The following ERG variants were observed in gnomAD, a reference collection of about 807,000 sequenced individuals.
The protein encoded by ERG is ETS transcription factor ERG, also known as transcriptional regulator ERG.
ERG carries 9 observed loss-of-function variants against 55.3 expected under a neutral mutation model. The ratio of observed to expected loss-of-function variants is 0.16; its 90% CI spans 0.10 to 0.28. The LOEUF is 0.28. Among genes scored for constraint, ERG ranks in the 10% least tolerant of loss-of-function variants. ERG has a pLI of 1.00. For synonymous variants in ERG, 223 were observed against 237.3 expected, an observed-to-expected ratio of 0.94 and a Z score of 0.55; for missense variants, 434 against 631.6, an observed-to-expected ratio of 0.69 and a Z score of 3.35.
intron 1 of ERG, among the ~76,000 whole-genome samples, chr21:38,618,424 C>T (rs1396427975): frequency 6.6e-6 from 1 of 152,154 alleles, no homozygotes; most frequent in African/African-American, 2.4e-5. Context: ...TAACGTGGAG[C>T]AGATTGACTC....
At chr21:38,396,942 T>A (rs1209596991) in intron 6 of ERG, among the ~76,000 whole-genome samples, 1 of 151,998 alleles carries the variant, frequency 6.6e-6, no homozygotes, top group Non-Finnish European at 1.5e-5. Context: ...TAAAAAATCA[T>A]AAAACCACAG....
chr21:38,424,993 T>A (rs1395834548), intron 2 of ERG, among the ~76,000 whole-genome samples: 1 of 152,206 alleles, frequency 6.6e-6, no homozygotes, highest in Admixed American at 6.5e-5. Context: ...CAAACCTACC[T>A]TTCTGGAAAA....
intron 1 of ERG, among the ~76,000 whole-genome samples, chr21:38,636,126 T>C (rs2060386835): frequency 6.6e-6 from 1 of 152,208 alleles, no homozygotes; most frequent in Non-Finnish European, 1.5e-5. Flanking sequence ...CTTTTCCCCC[T>C]ATTGATCAGC....
At chr21:38,571,230 TA>T (rs1232940580) in intron 2 of ERG, among the ~76,000 whole-genome samples, 1 of 152,038 alleles carries the variant, frequency 6.6e-6, no homozygotes, top group Non-Finnish European at 1.5e-5. Flanking sequence ...ATTTCTGTAA[TA>T]AAAAAAGTAC....
chr21:38,652,793 A>G (rs944644229), intron 1 of ERG, among the ~76,000 whole-genome samples: 1 of 152,208 alleles, frequency 6.6e-6, no homozygotes, highest in African/African-American at 2.4e-5. Flanking sequence ...CTCCATTGCC[A>G]TACAGTCTAG....
intron 1 of ERG, among the ~76,000 whole-genome samples, chr21:38,450,531 A>G (rs1442762710): frequency 6.6e-6 from 1 of 152,198 alleles, no homozygotes; most frequent in Non-Finnish European, 1.5e-5. Context: ...TCCCATTACA[A>G]TCCAATACAA....
chr21:38,509,696 C>T lies in ERG; in HGVS notation c.-41+65966G>A, dbSNP rs987810676. On this transcript the variant is annotated intron_variant, in intron 2 of 8. Coordinates refer to the ERG transcript ENST00000398897. ...CTCTGGAAACATCTCAGCCCATCAA[C>T]CTCAGATTACTTTCCCAAGGAGATG... Among the ~76,000 whole-genome samples the T allele has an allele frequency of 8.1e-4, 123 of 152,102 alleles. 2 individuals are homozygous for T. The highest frequency in any genetic ancestry group is 3.2e-4 in the Non-Finnish European group (22 of 68,030).
At chr21:38,659,352 A>T (rs1194454423) in intron 1 of ERG, among the ~76,000 whole-genome samples, 2 of 152,246 alleles carry the variant, frequency 1.3e-5, no homozygotes, top group South Asian at 2.1e-4. Context: ...ATTAATTTAC[A>T]TGGTTGGGTT....
chr21:38,488,418 A>G (rs2059306521), intron 1 of ERG, among the ~76,000 whole-genome samples: 1 of 151,900 alleles, frequency 6.6e-6, no homozygotes, highest in Admixed American at 6.6e-5. Flanking sequence ...GTTCAGTGTT[A>G]TTGTTTGTTG....
chr21:38,532,189 A>G (rs2059677028), intron 2 of ERG, among the ~76,000 whole-genome samples: 2 of 152,214 alleles, frequency 1.3e-5, no homozygotes. Flanking sequence ...AGGAGCAAAC[A>G]GACAACCAAT....
Position 38,383,131 on chromosome 21 carries a change from A to G in ERG, c.*272T>C. 3.4e-6 allele frequency: 4 copies of G among 1,182,618 alleles called. No individual in the cohort carries two copies. The highest frequency in any genetic ancestry group is 4.2e-6 in the Non-Finnish European group (4 of 956,144). The allele number at this position is 1,182,618 out of a possible 1,614,324, so 73.3% of individuals were successfully genotyped here. ...CTTTCTTTGGCACTTTGTCCTTAAG[A>G]CTTCATGCTTCTACATACACTGTCT... On this transcript the variant is annotated 3_prime_UTR_variant, in exon 10 of 10. Coordinates refer to ENST00000288319, the MANE Select transcript of ERG (RefSeq NM_182918.4). The surrounding 1 kb of genome is among the most constrained non-coding windows in gnomAD (Gnocchi z 5.7).
chr21:38,580,100 G>A (rs1295812012), intron 1 of ERG, among the ~76,000 whole-genome samples: 2 of 152,206 alleles, frequency 1.3e-5, no homozygotes, highest in East Asian at 1.9e-4. Context: ...GATTACAGGC[G>A]TGAGCCACCA....
At chr21:38,629,622 T>C (rs463226) in intron 1 of ERG, among the ~76,000 whole-genome samples, 24,388 of 152,114 alleles carry the variant, frequency 0.16, 2,451 homozygotes, top group East Asian at 0.35. Context: ...GTTGAGGATA[T>C]GGAGAAATTG....
At chr21:38,567,203 G>A (rs1277910459) in intron 2 of ERG, among the ~76,000 whole-genome samples, 1 of 152,168 alleles carries the variant, frequency 6.6e-6, no homozygotes, top group African/African-American at 2.4e-5. Context: ...CCTGGAGGGT[G>A]CCCAGCATGG....
chr21:38,369,082 T>C, the ERG span, among the ~76,000 whole-genome samples: 1 of 152,234 alleles, frequency 6.6e-6, no homozygotes, highest in African/African-American at 2.4e-5. Flanking sequence ...AACACTGAGG[T>C]GAACATGTCT....
At chr21:38,523,394 C>A (rs192319438) in intron 2 of ERG, among the ~76,000 whole-genome samples, 2 of 152,076 alleles carry the variant, frequency 1.3e-5, no homozygotes, top group African/African-American at 4.8e-5. Flanking sequence ...TATATAACAC[C>A]AAGTCCATTT....
chr21:38,582,066 A>G (rs80149293), intron 1 of ERG, among the ~76,000 whole-genome samples: 4 of 139,392 alleles, frequency 2.9e-5, no homozygotes, highest in African/African-American at 7.7e-5. Flanking sequence ...AAAAAAAAAA[A>G]GGGCAGAGGC....
At chr21:38,599,194 T>C (rs2060149469) in intron 1 of ERG, among the ~76,000 whole-genome samples, 1 of 151,906 alleles carries the variant, frequency 6.6e-6, no homozygotes, top group Non-Finnish European at 1.5e-5. Flanking sequence ...CTTCCATCCA[T>C]GGTGAGGTGA....
At chr21:38,599,310 G>A (rs1299812756) in intron 1 of ERG, among the ~76,000 whole-genome samples, 2 of 151,148 alleles carry the variant, frequency 1.3e-5, no homozygotes, top group Non-Finnish European at 2.9e-5. Flanking sequence ...CCAGGGTGAA[G>A]CTAGGGGAAG....
Sources: gnomAD v4.1 joint callset for allele counts (sites outside exome capture counted in the v4.1 genomes callset) on GRCh38, gnomAD v4.1.1 for gene constraint, Gnocchi (gnomAD v3.1) non-coding constraint, MANE v1.5 for transcripts, NCBI Gene and HGNC (gene_info 2026-07-23, HGNC 2026-07-21) for gene names.